Variants in PRKCD observed in about 807,000 individuals in gnomAD.
The protein encoded by PRKCD is protein kinase C delta.
In PRKCD, 20 loss-of-function variants were observed where a neutral mutation model predicts 82.2. The observed-to-expected ratio is 0.24, with a 90% confidence interval of 0.17 to 0.35. The LOEUF (loss-of-function observed/expected upper bound fraction) is 0.35. PRKCD is among the 10% of genes least tolerant of loss of function. PRKCD has a pLI of 1.00. For synonymous variants in PRKCD, 317 were observed against 337.0 expected, an observed-to-expected ratio of 0.94 and a Z score of 0.65; for missense variants, 607 against 899.0, an observed-to-expected ratio of 0.68 and a Z score of 4.15.
chr3:53,168,455 G>A (rs1209335065), intron 2 of PRKCD, among the ~76,000 whole-genome samples: 1 of 152,158 alleles, frequency 6.6e-6, no homozygotes, highest in Non-Finnish European at 1.5e-5. Flanking sequence ...AAGGTGGATG[G>A]GCCTGGGCGG....
chr3:53,162,732 T>C (rs1553663253), intron 1 of PRKCD, among the ~76,000 whole-genome samples: 1 of 148,866 alleles, frequency 6.7e-6, no homozygotes. Flanking sequence ...CCTTGCCTGC[T>C]AGTGTGTGTG....
intron 2 of PRKCD, among the ~76,000 whole-genome samples, chr3:53,177,872 C>T (rs1703265843): frequency 6.6e-6 from 1 of 152,108 alleles, no homozygotes; most frequent in Non-Finnish European, 1.5e-5. Context: ...CCCAACATCA[C>T]ATTTTCCAGT....
intron 7 of PRKCD, among the ~76,000 whole-genome samples, chr3:53,182,740 T>C (rs374407662): frequency 6.6e-6 from 1 of 152,200 alleles, no homozygotes; most frequent in East Asian, 1.9e-4. Flanking sequence ...GTGTCTGTTT[T>C]GAGGCGTGTC....
chr3:53,165,902 A>G (rs1416840231), intron 2 of PRKCD, among the ~76,000 whole-genome samples: 7 of 152,138 alleles, frequency 4.6e-5, no homozygotes, highest in Admixed American at 3.9e-4. Context: ...CAGCCCTATT[A>G]CCATGAAAAC....
chr3:53,162,660 T>C lies in PRKCD; in HGVS notation c.-132+1232T>C, dbSNP rs940290797. On this transcript the variant is annotated intron_variant, in intron 1 of 18. Transcript: ENST00000330452. ...TCTGTGTGTGTCTTTTGCAACTGTG[T>C]GTACCATTCTTGGTGTGTTTGTTGT... Among the ~76,000 whole-genome samples, 11 of 152,142 alleles carry C rather than the reference T, an allele frequency of 7.2e-5. No individual in the cohort carries two copies. In the South Asian group the frequency reaches 1.7e-3, roughly 23 times the overall value.
chr3:53,186,218 C>G lies in PRKCD; in HGVS notation c.1138C>G (p.Leu380Val). Residue 380 changes from leucine (L) to valine (V), a missense_variant, in exon 13 of 19, where the codon CTC becomes GTC. By Grantham distance (32) the Leu-to-Val change is conservative. Coordinates refer to ENST00000330452, the MANE Select transcript of PRKCD (RefSeq NM_006254.4). The stretch of plus-strand genomic sequence containing the variant: ...AGGAGAGTACTTTGCCATCAAGGCC[C>G]TCAAGAAGGATGTGGTCCTGATCGA... Reference protein sequence around the residue: ...GRGEYFAIKALKKDVVLIDDD... With the variant: ...GRGEYFAIKAVKKDVVLIDDD... 1 of 1,614,146 alleles carries G rather than the reference C, an allele frequency of 6.2e-7. No homozygotes were observed. The highest frequency in any genetic ancestry group is 8.5e-7 in the Non-Finnish European group (1 of 1,180,006).
At chr3:53,185,526 C>T in intron 10 of PRKCD, 78 bp from the exon 11 acceptor site, 1 of 1,232,750 alleles carries the variant, frequency 8.1e-7, no homozygotes. Flanking sequence ...TGGAGTTATA[C>T]CTGGGAGTCT....
At chr3:53,188,573 C>T in intron 15 of PRKCD, 147 bp from the exon 16 acceptor site, 3 of 1,086,998 alleles carry the variant, frequency 2.8e-6, no homozygotes, top group Non-Finnish European at 3.9e-6. Flanking sequence ...GGATCTCTTT[C>T]TCCTTCTGCT....
chr3:53,161,855 C>T, intron 1 of PRKCD, among the ~76,000 whole-genome samples: 1 of 140,720 alleles, frequency 7.1e-6, no homozygotes, highest in Non-Finnish European at 1.6e-5. Flanking sequence ...CATCGCCCCA[C>T]CCCCACCCAC....
In PRKCD at chr3:53,186,195, G is replaced by A; in HGVS notation, c.1115G>A (p.Gly372Glu). Residue 372 changes from glycine to glutamate, a missense_variant, in exon 13 of 19, where the codon GGA becomes GAA. By Grantham distance (98) the Gly-to-Glu change is moderately conservative. Around this residue, in one of 5 missense-constraint regions of PRKCD, gnomAD observed 251 missense variants for 423.9 expected, o/e 0.59. Coordinates refer to ENST00000330452, the MANE Select transcript of PRKCD (RefSeq NM_006254.4). ...CTGCTTGGAGAGCTGAAGGGCAGAGGAGAGTACTTTGCCATCAAGGCCCTC... is the reference window on the plus strand; with the variant it reads ...CTGCTTGGAGAGCTGAAGGGCAGAGAAGAGTACTTTGCCATCAAGGCCCTC... ...KVLLGELKGR[G>E]EYFAIKALKK... 1 of 1,614,118 alleles carries A rather than the reference G, an allele frequency of 6.2e-7. No homozygotes were observed. The highest frequency in any genetic ancestry group is 8.5e-7 in the Non-Finnish European group (1 of 1,179,982).
chr3:53,179,384 AG>A, intron 3 of PRKCD, 192 bp from the exon 4 acceptor site: 1 of 751,286 alleles, frequency 1.3e-6, no homozygotes, highest in Non-Finnish European at 2.4e-6. Flanking sequence ...AGGGAACAGC[AG>A]GAACAAAGGC....
At chr3:53,178,868 G>A (rs1358767614) in intron 3 of PRKCD, among the ~76,000 whole-genome samples, 1 of 152,208 alleles carries the variant, frequency 6.6e-6, no homozygotes, top group Non-Finnish European at 1.5e-5. Context: ...ACCTGGCCCT[G>A]CCCTCATGGG....
At chr3:53,175,422 G>A (rs73091435) in intron 2 of PRKCD, among the ~76,000 whole-genome samples, 18,073 of 152,112 alleles carry the variant, frequency 0.12, 1,325 homozygotes, top group Non-Finnish European at 0.17. Context: ...CTTATCCTAC[G>A]TGAGTTCTCA....
chr3:53,163,544 C>T (rs1553663404), intron 1 of PRKCD, among the ~76,000 whole-genome samples: 1 of 152,002 alleles, frequency 6.6e-6, no homozygotes, highest in Non-Finnish European at 1.5e-5. Flanking sequence ...AGCAAGAGAC[C>T]CAAGCTAGGC....
chr3:53,185,459 G>A, intron 10 of PRKCD, 145 bp from the exon 11 acceptor site: 3 of 683,402 alleles, frequency 4.4e-6, no homozygotes, highest in Admixed American at 2.5e-5. Context: ...GTGTGTACAC[G>A]CAGCCCGAGT....
At chr3:53,168,694 A>G (rs2107226121) in intron 2 of PRKCD, among the ~76,000 whole-genome samples, 1 of 152,068 alleles carries the variant, frequency 6.6e-6, no homozygotes, top group Middle Eastern at 3.4e-3. Context: ...TGGAGCAGGA[A>G]GACGGAACAG....
intron 4 of PRKCD, 31 bp from the exon 5 acceptor site, chr3:53,181,176 T>C: frequency 6.2e-7 from 1 of 1,609,718 alleles, no homozygotes; most frequent in South Asian, 1.1e-5. Context: ...CTCACTGACC[T>C]TGTTCTCCCC....
chr3:53,183,668 C>T, intron 9 of PRKCD, 87 bp downstream of exon 9: 1 of 1,549,330 alleles, frequency 6.5e-7, no homozygotes, highest in Non-Finnish European at 8.7e-7. Context: ...CCACCCTCGC[C>T]TCCTCACCTG....
rs782161141 is a variant in PRKCD at position 53,186,242 on chromosome 3, G to A, written c.1162G>A (p.Asp388Asn). 14 of 1,614,038 alleles carry A rather than the reference G, an allele frequency of 8.7e-6. No homozygotes were observed. The highest frequency in any genetic ancestry group is 1.2e-5 in the Non-Finnish European group (14 of 1,180,006). The change falls in exon 13 of 19, where the codon GAC becomes AAC. Residue 388 changes from aspartate to asparagine, a missense_variant. By Grantham distance (23) the Asp-to-Asn change is conservative. Around this residue, in one of 5 missense-constraint regions of PRKCD, gnomAD observed 251 missense variants for 423.9 expected, o/e 0.59. Transcript: ENST00000330452. ...KALKKDVVLI[D>N]DDVECTMVEK... ...CCTCAAGAAGGATGTGGTCCTGATC[G>A]ACGACGACGTGGAGTGCACCATGGT...
Sources: allele counts gnomAD v4.1 joint callset (sites outside exome capture counted in the v4.1 genomes callset), GRCh38; gene constraint gnomAD v4.1.1; regional missense constraint gnomAD v4.1.1; transcripts MANE v1.5; gene names NCBI Gene and HGNC (gene_info 2026-07-23, HGNC 2026-07-21).